PDZRN3: variants seen among roughly 807,000 people sequenced by gnomAD.
The protein encoded by PDZRN3 is E3 ubiquitin-protein ligase PDZRN3.
In PDZRN3, 38 loss-of-function variants were observed where a neutral mutation model predicts 85.7. The ratio of observed to expected loss-of-function variants is 0.44; its 90% CI spans 0.34 to 0.58. The LOEUF (loss-of-function observed/expected upper bound fraction) is 0.58, where lower values mean the gene tolerates loss of function less well. Among genes scored for constraint, PDZRN3 ranks in the 20% least tolerant of loss-of-function variants. The pLI is 0.01. For synonymous variants in PDZRN3, 759 were observed against 638.0 expected (o/e 1.19, Z -2.86); for missense variants, 1,629 against 1,506.4 (o/e 1.08, Z -1.35).
intron 3 of PDZRN3, among the ~76,000 whole-genome samples, chr3:73,557,168 G>C (rs1701715665): frequency 6.6e-6 from 1 of 152,092 alleles, no homozygotes; most frequent in Non-Finnish European, 1.5e-5. Context: ...AGCTGCACAG[G>C]GAAAAATCTC....
chr3:73,444,843 A>C (rs888288904), intron 3 of PDZRN3, among the ~76,000 whole-genome samples: 1 of 152,240 alleles, frequency 6.6e-6, no homozygotes, highest in African/African-American at 2.4e-5. Flanking sequence ...GGGAATACAG[A>C]CATAGGGAAA....
intron 2 of PDZRN3, among the ~76,000 whole-genome samples, chr3:73,605,594 A>G (rs1003213922): frequency 1.3e-5 from 2 of 152,216 alleles, no homozygotes; most frequent in African/African-American, 4.8e-5. Flanking sequence ...AGCATCTAAC[A>G]CAGGAATTCC....
Position 73,433,999 on chromosome 3 carries a change from T to C in PDZRN3, c.919-29604A>G, listed in dbSNP as rs1403549298. ...CCTCTGAGTGACTCTGGCAGCTGGA[T>C]TGTGGTCCAATGCACACGCTATATA... On this transcript the variant is annotated intron_variant, in intron 3 of 9. Coordinates refer to ENST00000263666, the MANE Select transcript of PDZRN3 (RefSeq NM_015009.3). The C allele has an allele frequency of 2.9e-5, 37 of 1,261,916 alleles. No individual in the cohort carries two copies. The Middle Eastern group carries it at 9.3e-4, about 32-fold the overall frequency. The allele number at this position is 1,261,916 out of a possible 1,614,324, so 78.2% of individuals were successfully genotyped here. A position where few individuals can be genotyped will look rare whatever the true frequency, so the allele number is the denominator to read the frequency against.
chr3:73,443,482 T>TA, intron 3 of PDZRN3, among the ~76,000 whole-genome samples: 1 of 45,436 alleles, frequency 2.2e-5, no homozygotes, highest in East Asian at 2.7e-3. Flanking sequence ...CCTTTTTCTT[T>TA]TTTTTTTTTT....
intron 3 of PDZRN3, among the ~76,000 whole-genome samples, chr3:73,407,810 T>C (rs1701884347): frequency 6.6e-6 from 1 of 152,212 alleles, no homozygotes; most frequent in Non-Finnish European, 1.5e-5. Flanking sequence ...AAAGAGCTCC[T>C]CTGTGTTGAG....
intron 3 of PDZRN3, among the ~76,000 whole-genome samples, chr3:73,552,979 T>C (rs1310528443): frequency 6.6e-6 from 1 of 152,176 alleles, no homozygotes; most frequent in Non-Finnish European, 1.5e-5. Flanking sequence ...GCTGATTCCC[T>C]GGTGAGGAGA....
At chr3:73,600,059 A>T (rs1702489021) in intron 3 of PDZRN3, among the ~76,000 whole-genome samples, 1 of 152,218 alleles carries the variant, frequency 6.6e-6, no homozygotes, top group Non-Finnish European at 1.5e-5. Flanking sequence ...ATAAAAAAAC[A>T]GGGAGGAGCT....
At chr3:73,508,597 A>G (rs747016301) in intron 3 of PDZRN3, among the ~76,000 whole-genome samples, 3 of 152,172 alleles carry the variant, frequency 2.0e-5, no homozygotes, top group Non-Finnish European at 4.4e-5. Flanking sequence ...TTCTATCCTT[A>G]AGAAAGATAA....
intron 3 of PDZRN3, among the ~76,000 whole-genome samples, chr3:73,498,826 A>C (rs1575692430): frequency 6.6e-6 from 1 of 152,154 alleles, no homozygotes; most frequent in Admixed American, 6.5e-5. Flanking sequence ...TTCGTGATCC[A>C]CCTGCCTCAG....
At chr3:73,453,753 T>C (rs1431639680) in intron 3 of PDZRN3, among the ~76,000 whole-genome samples, 1 of 152,192 alleles carries the variant, frequency 6.6e-6, no homozygotes, top group African/African-American at 2.4e-5. Context: ...ACCGCAATTC[T>C]GAAAACCTCA....
chr3:73,418,630 T>TA (rs1702139439), intron 3 of PDZRN3, among the ~76,000 whole-genome samples: 1 of 152,138 alleles, frequency 6.6e-6, no homozygotes, highest in African/African-American at 2.4e-5. Flanking sequence ...CCAGCCCCAA[T>TA]AATCCTATCA....
At chr3:73,603,846 T>G (rs1265501859) in intron 2 of PDZRN3, among the ~76,000 whole-genome samples, 1 of 149,634 alleles carries the variant, frequency 6.7e-6, no homozygotes, top group Non-Finnish European at 1.5e-5. Context: ...AGTCCTTCTC[T>G]CCTTCCTTCT....
intron 3 of PDZRN3, among the ~76,000 whole-genome samples, chr3:73,576,403 C>T (rs9843996): frequency 0.17 from 25,395 of 152,080 alleles, 2,276 homozygotes; most frequent in African/African-American, 0.23. Context: ...AATCAATCTA[C>T]GAGTCAAGAC....
rs1701361582 is a variant in PDZRN3 at position 73,385,611 on chromosome 3, G to A, written c.1635+58C>T. 9.9e-6 allele frequency: 10 copies of A among 1,006,256 alleles called. No individual in the cohort carries two copies. The South Asian group carries it at 1.1e-4, about 11-fold the overall frequency. 62.3% of individuals were successfully genotyped at this position (1,006,256 alleles called of 1,614,324 possible). On this transcript the variant is annotated intron_variant, in intron 9 of 9. Transcript: ENST00000263666. ...AGCACCATAAAGGGAGATGGAGGAA[G>A]CAGATTTTCCTCCAGCTCAGCAGGG...
chr3:73,416,017 G>T (rs1702074109), intron 3 of PDZRN3, among the ~76,000 whole-genome samples: 1 of 150,256 alleles, frequency 6.7e-6, no homozygotes, highest in East Asian at 1.9e-4. Context: ...TTGATTTTGA[G>T]ATGATTTAAG....
chr3:73,550,568 G>A (rs971993840), intron 3 of PDZRN3, among the ~76,000 whole-genome samples: 1 of 152,186 alleles, frequency 6.6e-6, no homozygotes, highest in African/African-American at 2.4e-5. Context: ...CCTGCCCTGT[G>A]CAGCTTCAAG....
At position 73,384,411 on chromosome 3, in the gene PDZRN3, A is replaced by G; in HGVS notation, c.2155T>C (p.Trp719Arg). Reference protein sequence around the residue: ...QQLKEQYRESWMLHNSGFRNY... With the variant: ...QQLKEQYRESRMLHNSGFRNY... ...CGGAAGCCGCTGTTGTGCAGCATCC[A>G]GGACTCGCGGTACTGCTCCTTGAGC... Residue 719 changes from tryptophan to arginine, a missense_variant, in exon 10 of 10, where the codon TGG (tryptophan) becomes CGG (arginine). Coordinates refer to ENST00000263666, the MANE Select transcript of PDZRN3 (RefSeq NM_015009.3). 6.2e-7 allele frequency: 1 copy of G among 1,610,212 alleles called. No individual in the cohort carries two copies. The highest frequency in any genetic ancestry group is 8.5e-7 in the Non-Finnish European group (1 of 1,179,944).
At chr3:73,494,390 T>G (rs1703829764) in intron 3 of PDZRN3, among the ~76,000 whole-genome samples, 1 of 152,208 alleles carries the variant, frequency 6.6e-6, no homozygotes, top group Non-Finnish European at 1.5e-5. Context: ...CTTTCATTGG[T>G]TAACTGTAAA....
chr3:73,586,262 G>C (rs527271091), intron 3 of PDZRN3, among the ~76,000 whole-genome samples: 3 of 152,100 alleles, frequency 2.0e-5, no homozygotes, highest in Non-Finnish European at 4.4e-5. Context: ...ATTTTAACCC[G>C]CTGCTATTCC....
Sources: allele counts gnomAD v4.1 joint callset (sites outside exome capture counted in the v4.1 genomes callset), GRCh38; gene constraint gnomAD v4.1.1; transcripts MANE v1.5; gene names NCBI Gene and HGNC (gene_info 2026-07-23, HGNC 2026-07-21).